The following CFAP90 variants were observed in gnomAD, a reference collection of about 807,000 sequenced individuals.
CFAP90 encodes the protein cilia- and flagella-associated protein 90.
the CFAP90 span, chr5:7,831,831 T>G: frequency 6.2e-7 from 1 of 1,600,126 alleles, no homozygotes; most frequent in Non-Finnish European, 8.5e-7. Context: ...GGACATGCCC[T>G]GTGGGCCACG....
At chr5:7,848,750 C>G in the CFAP90 span, among the ~76,000 whole-genome samples, 1 of 152,160 alleles carries the variant, frequency 6.6e-6, no homozygotes, top group Admixed American at 6.5e-5. Context: ...ATCCTGTTCT[C>G]GTGATAGTGA....
At chr5:7,849,156 A>C in the CFAP90 span, among the ~76,000 whole-genome samples, 1 of 152,226 alleles carries the variant, frequency 6.6e-6, no homozygotes, top group African/African-American at 2.4e-5. Context: ...AAGACTCCAA[A>C]ACATAAATTT....
the CFAP90 span, chr5:7,835,442 C>G: frequency 0.23 from 371,952 of 1,600,688 alleles, 45,252 homozygotes; most frequent in Middle Eastern, 0.27. Context: ...GGTGCAACTT[C>G]TGATCATAAT....
chr5:7,841,941 G>T, the CFAP90 span, among the ~76,000 whole-genome samples: 48 of 152,174 alleles, frequency 3.2e-4, no homozygotes, highest in African/African-American at 1.1e-3. Context: ...GTTTACGTAT[G>T]TAACAAACCT....
chr5:7,832,967 C>T, the CFAP90 span, among the ~76,000 whole-genome samples: 1 of 152,156 alleles, frequency 6.6e-6, no homozygotes, highest in Non-Finnish European at 1.5e-5. Context: ...GAAATGTTCT[C>T]GTGTGTGCAA....
chr5:7,839,694 G>A, the CFAP90 span, among the ~76,000 whole-genome samples: 6 of 152,194 alleles, frequency 3.9e-5, no homozygotes, highest in Non-Finnish European at 8.8e-5. Flanking sequence ...CCCTGGATTA[G>A]TTGCCAACAG....
chr5:7,848,681 C>A, the CFAP90 span, among the ~76,000 whole-genome samples: 2 of 152,182 alleles, frequency 1.3e-5, no homozygotes, highest in South Asian at 2.1e-4. Context: ...TCCCATAATT[C>A]CCACATGTCC....
chr5:7,831,968 G>A, the CFAP90 span: 1 of 1,614,064 alleles, frequency 6.2e-7, no homozygotes, highest in East Asian at 2.2e-5. Flanking sequence ...GGGCTCAATG[G>A]GCTGATTGAT....
At chr5:7,836,317 C>T in the CFAP90 span, among the ~76,000 whole-genome samples, 3 of 152,184 alleles carry the variant, frequency 2.0e-5, no homozygotes, top group African/African-American at 7.2e-5. Flanking sequence ...ACAATACCTA[C>T]ATACTAGGAT....
the CFAP90 span, among the ~76,000 whole-genome samples, chr5:7,839,350 T>A: frequency 6.6e-6 from 1 of 152,226 alleles, no homozygotes; most frequent in South Asian, 2.1e-4. Context: ...GGAAAATAGA[T>A]CCTCCAGTGG....
chr5:7,838,741 G>A, the CFAP90 span, among the ~76,000 whole-genome samples: 3 of 152,162 alleles, frequency 2.0e-5, no homozygotes, highest in African/African-American at 4.8e-5. Flanking sequence ...GCGTTTTGGG[G>A]AGAACAGCTG....
At chr5:7,835,510 A>AG in the CFAP90 span, 1 of 1,445,272 alleles carries the variant, frequency 6.9e-7, no homozygotes, top group South Asian at 1.2e-5. Flanking sequence ...TAGGAAAAAA[A>AG]AGAGAAAGAA....
chr5:7,848,366 A>C, the CFAP90 span, among the ~76,000 whole-genome samples: 1 of 152,106 alleles, frequency 6.6e-6, no homozygotes, highest in Non-Finnish European at 1.5e-5. Context: ...AAAGCCAAGC[A>C]GAGAGGAGCT....
chr5:7,851,085 G>A, the CFAP90 span: 9 of 1,233,208 alleles, frequency 7.3e-6, no homozygotes, highest in African/African-American at 1.6e-5. Flanking sequence ...GGGCCCAGTC[G>A]GAGTCTGCAG....
chr5:7,842,741 T>C, the CFAP90 span, among the ~76,000 whole-genome samples: 2 of 152,228 alleles, frequency 1.3e-5, no homozygotes, highest in African/African-American at 4.8e-5. Flanking sequence ...GTCATGGTTA[T>C]TATGTTAAGC....
the CFAP90 span, among the ~76,000 whole-genome samples, chr5:7,839,979 T>G: frequency 5.3e-5 from 8 of 152,182 alleles, no homozygotes; most frequent in African/African-American, 1.9e-4. Context: ...TTCTTTTTTT[T>G]TCTTTTATTC....
At chr5:7,837,213 C>T in the CFAP90 span, among the ~76,000 whole-genome samples, 1 of 151,868 alleles carries the variant, frequency 6.6e-6, no homozygotes, top group Non-Finnish European at 1.5e-5. Context: ...TTTATCATCC[C>T]AACTTTTTCT....
At chr5:7,846,104 GATTA>G in the CFAP90 span, among the ~76,000 whole-genome samples, 10 of 152,000 alleles carry the variant, frequency 6.6e-5, no homozygotes, top group South Asian at 2.1e-4. Context: ...ACTTTGCATT[GATTA>G]ATTAAAGTCA....
chr5:7,846,421 G>A, the CFAP90 span, among the ~76,000 whole-genome samples: 2 of 152,198 alleles, frequency 1.3e-5, no homozygotes, highest in African/African-American at 4.8e-5. Flanking sequence ...AGATCAAGGC[G>A]CTGGCAGATT....
Sources: gnomAD v4.1 joint callset for allele counts (sites outside exome capture counted in the v4.1 genomes callset) on GRCh38, gnomAD v4.1.1 for gene constraint, MANE v1.5 for transcripts, NCBI Gene and HGNC (gene_info 2026-07-23, HGNC 2026-07-21) for gene names.